Variants in ANKHD1 observed in about 807,000 individuals in gnomAD.
ANKHD1 encodes the protein ankyrin repeat and KH domain-containing protein 1.
A neutral mutation model predicts 230.5 loss-of-function variants in ANKHD1; 31 were observed. The ratio of observed to expected loss-of-function variants is 0.13; its 90% CI spans 0.10 to 0.18. The LOEUF (loss-of-function observed/expected upper bound fraction) is 0.18. Ranked by LOEUF, ANKHD1 falls within the 10% of genes least tolerant of loss-of-function variation. The probability of loss-of-function intolerance (pLI) is 1.00; values close to 1 mark genes in which losing one functional copy is unlikely to be tolerated. For synonymous variants in ANKHD1, 1,074 were observed against 1,117.6 expected, an observed-to-expected ratio of 0.96 and a Z score of 0.78; for missense variants, 2,256 against 3,071.3, an observed-to-expected ratio of 0.73 and a Z score of 6.27.
intron 1 of ANKHD1, among the ~76,000 whole-genome samples, chr5:140,422,741 T>C (rs1045975199): frequency 6.0e-5 from 9 of 150,384 alleles, no homozygotes; most frequent in African/African-American, 2.0e-4. Flanking sequence ...ACCTGGGAGG[T>C]GGAGGTTGCA....
At chr5:140,423,947 CA>C (rs1772190653) in intron 1 of ANKHD1, among the ~76,000 whole-genome samples, 1 of 152,154 alleles carries the variant, frequency 6.6e-6, no homozygotes, top group African/African-American at 2.4e-5. Flanking sequence ...CTCTCTCTCC[CA>C]TGCTGTCTTG....
Position 140,485,931 on chromosome 5 carries a change from T to A in ANKHD1, c.2142+199T>A. On this transcript the variant is annotated intron_variant, in intron 13 of 33. Transcript: ENST00000360839. The surrounding 1 kb of genome is among the most constrained non-coding windows in gnomAD (Gnocchi z 4.8). ...TTGTTATTGCCTTATTTATTGAGAA[T>A]AGTGGTTTTTAAAAACCACTTAATA... 1.3e-6 allele frequency: 1 copy of A among 775,366 alleles called. No individual in the cohort carries two copies. The highest frequency in any genetic ancestry group is 1.9e-6 in the Non-Finnish European group (1 of 526,218). The allele number at this position is 775,366 out of a possible 1,614,324, so 48.0% of individuals were successfully genotyped here. A position where few individuals can be genotyped will look rare whatever the true frequency, so the allele number is the denominator to read the frequency against.
At position 140,494,782 on chromosome 5, in the gene ANKHD1, G is replaced by A. The variant is rs188281430; in HGVS notation, c.2246-1738G>A. ...GAGAATCATTTTTAATACAATGGAT[G>A]ATTTTATTTTAAAAATTCCCAAATT... On this transcript the variant is annotated intron_variant, in intron 14 of 33. Transcript: ENST00000360839. Among the ~76,000 whole-genome samples the A allele has an allele frequency of 9.8e-4, 149 of 151,952 alleles. 1 individual carries two copies. Among genetic ancestry groups the A allele is most frequent in the African/African-American group, 3.5e-3 (145 of 41,458 alleles).
rs767195219 is a variant in ANKHD1 at position 140,464,523 on chromosome 5, A to G, written c.1673-144A>G. 3.8e-5 allele frequency: 23 copies of G among 607,656 alleles called. No individual in the cohort carries two copies. In the Admixed American group the frequency reaches 7.3e-4, roughly 19 times the overall value. The allele number at this position is 607,656 out of a possible 1,614,324, so 37.6% of individuals were successfully genotyped here. ...ATGACTCAAATTATTTTTATAAAGC[A>G]TATTTAAAGGAAAACTAGTATACTT... On this transcript the variant is annotated intron_variant, in intron 9 of 33. Transcript: ENST00000360839.
chr5:140,441,181 G>A, intron 5 of ANKHD1, 39 bp downstream of exon 5: 1 of 1,481,576 alleles, frequency 6.7e-7, no homozygotes, highest in Non-Finnish European at 9.0e-7. Context: ...AGAAAAAATT[G>A]ACATAATTAT....
At chr5:140,484,871 G>T in intron 11 of ANKHD1, 1 of 347,694 alleles carries the variant, frequency 2.9e-6, no homozygotes, top group Non-Finnish European at 4.6e-6. Context: ...ACCATTGGGA[G>T]GCTGGGTAGT....
intron 20 of ANKHD1, 103 bp from the exon 21 acceptor site, chr5:140,509,534 A>G: frequency 7.5e-7 from 1 of 1,331,258 alleles, no homozygotes; most frequent in Non-Finnish European, 9.8e-7. Context: ...CTTAAAAGTT[A>G]ATTGCCTCAG....
intron 31 of ANKHD1, 96 bp downstream of exon 31, chr5:140,537,685 AC>A: frequency 6.9e-7 from 1 of 1,442,134 alleles, no homozygotes; most frequent in African/African-American, 1.4e-5. Flanking sequence ...AACAAAAAAA[AC>A]TTAGTTCCTA....
intron 9 of ANKHD1, among the ~76,000 whole-genome samples, chr5:140,464,441 A>G (rs1775945021): frequency 6.6e-6 from 1 of 152,098 alleles, no homozygotes; most frequent in South Asian, 2.1e-4. Context: ...ATATCTTACT[A>G]CTGATGTAAG....
intron 1 of ANKHD1, among the ~76,000 whole-genome samples, chr5:140,410,180 C>CTTT (rs1770815315): frequency 6.6e-6 from 1 of 152,020 alleles, no homozygotes; most frequent in Non-Finnish European, 1.5e-5. Context: ...TATTATATAG[C>CTTT]CTTTCAGAAT....
In ANKHD1 at chr5:140,528,869, G is replaced by T; in HGVS notation, c.5923G>T (p.Val1975Leu). ...CVPKTSPPAT[V>L]ISSVTSTCSS... ...GCCTAAGACAAGTCCTCCAGCAACA[G>T]TGATTTCTTCTGTGACAAGCACTTG... Residue 1975 changes from valine to leucine, a missense_variant, in exon 29 of 34, where the codon GTG becomes TTG. Physicochemically the swap from Val to Leu is conservative, Grantham distance 32. Coordinates refer to ENST00000360839, the MANE Select transcript of ANKHD1 (RefSeq NM_017747.3). The T allele has an allele frequency of 6.2e-7, 1 of 1,614,110 alleles. No individual in the cohort carries two copies. The highest frequency in any genetic ancestry group is 8.5e-7 in the Non-Finnish European group (1 of 1,180,038).
rs565555082 is a variant in ANKHD1, at chr5:140,507,597, A to G, written c.3552-188A>G. On this transcript the variant is annotated intron_variant, in intron 19 of 33. Transcript: ENST00000360839. This position sits in a 1 kb window ranked among gnomAD's most constrained non-coding sequence, Gnocchi z 4.1. ...GCTGGGATTACAGGCATGAGCCACC[A>G]TGTCTGGCCGGAAATTATGTTTTAA... Among the ~76,000 whole-genome samples, 5 of 152,284 alleles carry G rather than the reference A, an allele frequency of 3.3e-5. No individual in the cohort carries two copies. The South Asian group carries it at 1.0e-3, about 32-fold the overall frequency.
Position 140,506,461 on chromosome 5 carries a change from A to G in ANKHD1, c.3409-374A>G, listed in dbSNP as rs1752539280. Among the ~76,000 whole-genome samples, 1 of 152,186 alleles carries G rather than the reference A, an allele frequency of 6.6e-6. No individual in the cohort carries two copies. The highest frequency in any genetic ancestry group is 6.5e-5 in the Admixed American group (1 of 15,274). ...TAGGCATGAGCCACCATGCCTGGCC[A>G]TAAATCCCCTTTTAAAAAATCTGTT... is the stretch of plus-strand genomic sequence containing the variant. On this transcript the variant is annotated intron_variant, in intron 18 of 33. Transcript: ENST00000360839. This position sits in a 1 kb window ranked among gnomAD's most constrained non-coding sequence, Gnocchi z 4.7.
At chr5:140,501,330 G>A (rs935398766) in intron 15 of ANKHD1, among the ~76,000 whole-genome samples, 4 of 151,038 alleles carry the variant, frequency 2.6e-5, no homozygotes, top group East Asian at 1.9e-4. Context: ...TGCCCGCCTC[G>A]GCCTCCCAAA....
chr5:140,420,783 A>G (rs1035857228), intron 1 of ANKHD1, among the ~76,000 whole-genome samples: 1 of 151,660 alleles, frequency 6.6e-6, no homozygotes, highest in Non-Finnish European at 1.5e-5. Flanking sequence ...TGACTTTGTT[A>G]TTTTTCATTG....
chr5:140,528,320 T>A lies in ANKHD1; in HGVS notation c.5374T>A (p.Phe1792Ile). ...PASTKSIHANFSSGVGTTAAS... is the reference protein window; with the variant it reads ...PASTKSIHANISSGVGTTAAS... ...CAGCACCAAATCAATTCATGCTAAC[T>A]TCTCATCTGGAGTAGGTACCACAGC... is the stretch of plus-strand genomic sequence containing the variant. The change falls in exon 29 of 34, where the codon TTC becomes ATC. Residue 1792 changes from phenylalanine (F) to isoleucine (I), a missense_variant. By Grantham distance (21) the Phe-to-Ile change is conservative. Transcript: ENST00000360839. 6.2e-7 allele frequency: 1 copy of A among 1,614,158 alleles called. No individual in the cohort carries two copies. Among genetic ancestry groups the A allele is most frequent in the Non-Finnish European group, 8.5e-7 (1 of 1,180,038 alleles).
intron 10 of ANKHD1, among the ~76,000 whole-genome samples, chr5:140,482,070 A>G (rs1016187380): frequency 2.6e-5 from 4 of 151,786 alleles, no homozygotes; most frequent in African/African-American, 9.7e-5. Flanking sequence ...CAAGTATTTA[A>G]TTTCTACTTA....
At chr5:140,432,230 CACTT>C (rs1471284736) in intron 1 of ANKHD1, among the ~76,000 whole-genome samples, 2 of 152,214 alleles carry the variant, frequency 1.3e-5, no homozygotes, top group African/African-American at 2.4e-5. Context: ...ACTTCAGACT[CACTT>C]ACAGTCACTC....
At chr5:140,427,764 G>A (rs1380354813) in intron 1 of ANKHD1, among the ~76,000 whole-genome samples, 22 of 149,128 alleles carry the variant, frequency 1.5e-4, no homozygotes, top group African/African-American at 5.2e-4. Flanking sequence ...GCGGCTGGCC[G>A]GGCGGGGGGC....
Sources: allele counts gnomAD v4.1 joint callset (sites outside exome capture counted in the v4.1 genomes callset), GRCh38; gene constraint gnomAD v4.1.1; non-coding constraint Gnocchi (gnomAD v3.1); transcripts MANE v1.5; gene names NCBI Gene and HGNC (gene_info 2026-07-23, HGNC 2026-07-21).